PPP2R2C: variants seen among roughly 807,000 people sequenced by gnomAD.
PPP2R2C encodes protein phosphatase 2, regulatory subunit B, gamma.
In PPP2R2C, 10 loss-of-function variants were observed where a neutral mutation model predicts 45.3. The observed-to-expected ratio is 0.22, with a 90% CI of 0.14 to 0.37. The LOEUF (loss-of-function observed/expected upper bound fraction) is 0.37. Ranked by LOEUF, PPP2R2C falls within the 10% of genes least tolerant of loss-of-function variation. The pLI is 1.00. For synonymous variants in PPP2R2C, 257 were observed against 245.4 expected (o/e 1.05, Z -0.44); for missense variants, 308 against 619.7 (o/e 0.50, Z 5.34).
In PPP2R2C at chr4:6,330,641, C is replaced by T. The variant is rs1405244419; in HGVS notation, c.961-1288G>A. On this transcript the variant is annotated intron_variant, in intron 7 of 8. Coordinates refer to ENST00000382599, the MANE Select transcript of PPP2R2C (RefSeq NM_020416.4). The surrounding 1 kb of genome is among the most constrained non-coding windows in gnomAD (Gnocchi z 7.0). Reference sequence around the variant, plus strand: ...GCCCGCCTGCTCTGCAGATTTAGAACATGCCACGTGAGCTAATTCCTTCAA... The same window carrying T: ...GCCCGCCTGCTCTGCAGATTTAGAATATGCCACGTGAGCTAATTCCTTCAA... Among the ~76,000 whole-genome samples the T allele has an allele frequency of 1.3e-5, 2 of 152,290 alleles. No homozygotes were observed. Among genetic ancestry groups the T allele is most frequent in the Admixed American group, 6.5e-5 (1 of 15,290 alleles).
intron 2 of PPP2R2C, among the ~76,000 whole-genome samples, chr4:6,529,732 T>C (rs946992693): frequency 1.3e-5 from 2 of 152,218 alleles, no homozygotes; most frequent in Admixed American, 6.5e-5. Flanking sequence ...TAGGTCTGCT[T>C]TGCCCACTGC....
At chr4:6,455,700 C>T (rs1397287059) in intron 1 of PPP2R2C, among the ~76,000 whole-genome samples, 1 of 152,144 alleles carries the variant, frequency 6.6e-6, no homozygotes, top group African/African-American at 2.4e-5. Context: ...AGTTCCCTCT[C>T]CCTCCCCTGC....
rs549393191 is a variant in PPP2R2C at position 6,443,668 on chromosome 4, C to T, written c.70+28492G>A. ...CCAGTGACTCAGTCACTCTGAGCCT[C>T]GTGTTCCTGGTCCGTATAAACATGA... On this transcript the variant is annotated intron_variant, in intron 1 of 8. Coordinates refer to ENST00000382599, the MANE Select transcript of PPP2R2C (RefSeq NM_020416.4). 7.2e-5 allele frequency among the ~76,000 whole-genome samples: 11 copies of T among 152,316 alleles called. No individual in the cohort carries two copies. The East Asian group carries it at 1.5e-3, about 21-fold the overall frequency.
At chr4:6,334,802 C>T (rs1732714123) in intron 6 of PPP2R2C, among the ~76,000 whole-genome samples, 1 of 152,234 alleles carries the variant, frequency 6.6e-6, no homozygotes, top group African/African-American at 2.4e-5. Context: ...CTGGCCTGCT[C>T]TGGTCTCTAC....
chr4:6,557,060 C>A (rs1009404647), intron 1 of PPP2R2C, among the ~76,000 whole-genome samples: 1 of 152,166 alleles, frequency 6.6e-6, no homozygotes. Flanking sequence ...ACAAGGGGTA[C>A]AAGCCTCCTT....
intron 6 of PPP2R2C, among the ~76,000 whole-genome samples, chr4:6,339,559 G>A (rs2109198489): frequency 6.6e-6 from 1 of 152,392 alleles, no homozygotes; most frequent in East Asian, 1.9e-4. Flanking sequence ...CGTTGTCAGT[G>A]TGTGGACGAC....
At chr4:6,494,430 C>G (rs1215840086) in intron 2 of PPP2R2C, among the ~76,000 whole-genome samples, 1 of 152,218 alleles carries the variant, frequency 6.6e-6, no homozygotes, top group Non-Finnish European at 1.5e-5. Context: ...AACACAGCAC[C>G]TCCCGCATGC....
rs368106128 is a variant in PPP2R2C, at chr4:6,435,409, G to A, written c.70+36751C>T. On this transcript the variant is annotated intron_variant, in intron 1 of 8. Transcript: ENST00000382599. ...TCTTGTATCTCAACTTTATACTCTTGTTTAGAGGTGTGATTGCTCAATTAT... is the reference window on the plus strand; with the variant it reads ...TCTTGTATCTCAACTTTATACTCTTATTTAGAGGTGTGATTGCTCAATTAT... Among the ~76,000 whole-genome samples, 5 of 152,256 alleles carry A rather than the reference G, an allele frequency of 3.3e-5. 1 individual carries two copies. The highest frequency in any genetic ancestry group is 6.5e-5 in the Admixed American group (1 of 15,294).
intron 2 of PPP2R2C, among the ~76,000 whole-genome samples, chr4:6,521,402 T>C (rs1023438397): frequency 1.1e-4 from 16 of 152,210 alleles, no homozygotes; most frequent in Non-Finnish European, 1.6e-4. Context: ...TCCCATGATC[T>C]AGCCAGAAAG....
chr4:6,481,999 A>G (rs968870366), intron 2 of PPP2R2C, among the ~76,000 whole-genome samples: 1 of 150,970 alleles, frequency 6.6e-6, no homozygotes, highest in Non-Finnish European at 1.5e-5. Context: ...AAAAAAAAAA[A>G]AAAAAGTAAA....
At chr4:6,366,513 G>A (rs1293889743) in intron 5 of PPP2R2C, among the ~76,000 whole-genome samples, 1 of 152,194 alleles carries the variant, frequency 6.6e-6, no homozygotes, top group Non-Finnish European at 1.5e-5. Flanking sequence ...TAATCTCAGG[G>A]CTTCCACCAT....
At chr4:6,466,693 C>T (rs1257711081) in intron 1 of PPP2R2C, among the ~76,000 whole-genome samples, 1 of 152,138 alleles carries the variant, frequency 6.6e-6, no homozygotes, top group Non-Finnish European at 1.5e-5. Flanking sequence ...AAGGCCTAAA[C>T]ACTTCTTACC....
intron 2 of PPP2R2C, among the ~76,000 whole-genome samples, chr4:6,497,458 T>A (rs1722916027): frequency 6.6e-6 from 1 of 151,814 alleles, no homozygotes; most frequent in African/African-American, 2.4e-5. Context: ...TGGGAGATTG[T>A]TTTCCTTTTG....
intron 2 of PPP2R2C, among the ~76,000 whole-genome samples, chr4:6,525,970 G>A (rs1484761064): frequency 6.6e-6 from 1 of 152,210 alleles, no homozygotes; most frequent in South Asian, 2.1e-4. Context: ...CCAAAGTGCT[G>A]GGATTACAGC....
At chr4:6,420,177 C>G (rs1718868489) in intron 1 of PPP2R2C, among the ~76,000 whole-genome samples, 1 of 152,186 alleles carries the variant, frequency 6.6e-6, no homozygotes, top group African/African-American at 2.4e-5. Context: ...TACAACTACT[C>G]CACATGACAG....
chr4:6,469,983 G>C (rs1321578748), intron 1 of PPP2R2C, among the ~76,000 whole-genome samples: 2 of 152,254 alleles, frequency 1.3e-5, no homozygotes, highest in African/African-American at 4.8e-5. Context: ...GTGGGGATAA[G>C]GCGTAGGTGA....
upstream of PPP2R2C, among the ~76,000 whole-genome samples, chr4:6,475,363 T>C (rs1171638456): frequency 6.6e-6 from 1 of 152,078 alleles, no homozygotes; most frequent in African/African-American, 2.4e-5. Flanking sequence ...CCTGCTTGGG[T>C]CTCTTCCACA....
intron 1 of PPP2R2C, among the ~76,000 whole-genome samples, chr4:6,536,465 C>G (rs988107673): frequency 6.6e-6 from 1 of 152,218 alleles, no homozygotes; most frequent in African/African-American, 2.4e-5. Flanking sequence ...ATTTAATCCA[C>G]ATAAGAAGAA....
intron 1 of PPP2R2C, chr4:6,555,444 A>G (rs1725365178): frequency 6.6e-6 from 1 of 152,270 alleles, no homozygotes; most frequent in African/African-American, 2.4e-5. Flanking sequence ...AACTCCATCC[A>G]CTGGTCCTCA....
Sources: allele counts gnomAD v4.1 joint callset (sites outside exome capture counted in the v4.1 genomes callset), GRCh38; gene constraint gnomAD v4.1.1; non-coding constraint Gnocchi (gnomAD v3.1); transcripts MANE v1.5; gene names NCBI Gene and HGNC (gene_info 2026-07-23, HGNC 2026-07-21).